GRID2: variants seen among roughly 807,000 people sequenced by gnomAD.
GRID2 encodes glutamate receptor ionotropic, delta-2.
In GRID2, 33 loss-of-function variants were observed where a neutral mutation model predicts 114.8. The ratio of observed to expected loss-of-function variants is 0.29; its 90% CI spans 0.22 to 0.38. The LOEUF (loss-of-function observed/expected upper bound fraction) is 0.38. Ranked by LOEUF, GRID2 falls within the 10% of genes least tolerant of loss-of-function variation. The probability of loss-of-function intolerance (pLI) is 1.00; values close to 1 mark genes in which losing one functional copy is unlikely to be tolerated. For missense variants in GRID2, 1,184 were observed against 1,257.7 expected (o/e 0.94, Z 0.89); for synonymous variants, 505 against 449.9 (o/e 1.12, Z -1.55).
At chr4:92,982,165 T>C (rs1754263041) in intron 2 of GRID2, among the ~76,000 whole-genome samples, 2 of 151,636 alleles carry the variant, frequency 1.3e-5, no homozygotes, top group African/African-American at 2.4e-5. Context: ...AACTGTGAAA[T>C]GGTCAAAATG....
intron 1 of GRID2, among the ~76,000 whole-genome samples, chr4:92,513,674 T>C (rs549602627): frequency 1.3e-5 from 2 of 151,976 alleles, no homozygotes; most frequent in Admixed American, 6.6e-5. Context: ...TACAAAACTG[T>C]CAGCACCATA....
intron 4 of GRID2, 139 bp downstream of exon 4, chr4:93,111,092 A>G (rs1732722094): frequency 1.6e-5 from 10 of 627,682 alleles, no homozygotes; most frequent in South Asian, 3.8e-5. Context: ...TGGAGGTAGC[A>G]TAGTGAATGC....
rs761070179 is a variant in GRID2, at chr4:92,590,256, G to A, written c.214G>A (p.Gly72Ser). The change falls in exon 2 of 16, where the codon GGC (glycine) becomes AGC (serine). Residue 72 changes from glycine to serine, a missense_variant. By Grantham distance (56) the Gly-to-Ser change is moderately conservative. This residue lies in a region of GRID2 where 455 missense variants were observed against 429.5 expected (regional missense o/e 1.06). Coordinates refer to ENST00000282020, the MANE Select transcript of GRID2 (RefSeq NM_001510.4). ...CACATTTTCAGTGACGTTTGTTGAT[G>A]GCAACAACCCTTTCCAAGCAGTTCA... is the stretch of plus-strand genomic sequence containing the variant. ...KITFSVTFVD[G>S]NNPFQAVQEA... is the part of the protein sequence containing the mutation. 3 of 1,613,226 alleles carry A rather than the reference G, an allele frequency of 1.9e-6. No individual in the cohort carries two copies. Among genetic ancestry groups the A allele is most frequent in the African/African-American group, 2.7e-5 (2 of 74,874 alleles).
chr4:92,931,477 T>G (rs1750230731), intron 2 of GRID2, among the ~76,000 whole-genome samples: 1 of 150,904 alleles, frequency 6.6e-6, no homozygotes, highest in Non-Finnish European at 1.5e-5. Context: ...CTTATGGTAG[T>G]GTAATTTAGC....
chr4:93,096,834 A>G (rs1731269109), intron 3 of GRID2, among the ~76,000 whole-genome samples: 1 of 151,974 alleles, frequency 6.6e-6, no homozygotes, highest in African/African-American at 2.4e-5. Context: ...ATGAGAATGT[A>G]TAGCCACACG....
chr4:93,042,671 C>A (rs111841027), intron 2 of GRID2, among the ~76,000 whole-genome samples: 14,825 of 140,722 alleles, frequency 0.11, 1,102 homozygotes, highest in East Asian at 0.24. Context: ...ATCTCTCTCT[C>A]TATATATCTA....
intron 1 of GRID2, among the ~76,000 whole-genome samples, chr4:92,498,426 A>G (rs1236876938): frequency 6.6e-6 from 1 of 151,988 alleles, no homozygotes; most frequent in Non-Finnish European, 1.5e-5. Flanking sequence ...ATATCTGTCA[A>G]TTAAAGGCAT....
At chr4:92,670,656 T>G (rs1733014157) in intron 2 of GRID2, among the ~76,000 whole-genome samples, 1 of 152,128 alleles carries the variant, frequency 6.6e-6, no homozygotes, top group African/African-American at 2.4e-5. Flanking sequence ...TTAAAACTAC[T>G]AATTTAATAT....
intron 8 of GRID2, among the ~76,000 whole-genome samples, chr4:93,356,379 C>T (rs1761338061): frequency 6.6e-6 from 1 of 151,572 alleles, no homozygotes; most frequent in Admixed American, 6.6e-5. Flanking sequence ...TAGCTTAGTT[C>T]TTTTATGATT....
chr4:92,310,048 A>G (rs556675717), intron 1 of GRID2, among the ~76,000 whole-genome samples: 1 of 152,144 alleles, frequency 6.6e-6, no homozygotes, highest in African/African-American at 2.4e-5. Flanking sequence ...AATGTCAACC[A>G]TTGAGTTTTA....
intron 2 of GRID2, among the ~76,000 whole-genome samples, chr4:92,751,509 A>G (rs1737453670): frequency 6.6e-6 from 1 of 152,226 alleles, no homozygotes; most frequent in South Asian, 2.1e-4. Context: ...TTCCAAGTTG[A>G]GTAACTGCAA....
At chr4:93,794,970 AT>A (rs1734768055) in intron 1 of GRID2, among the ~76,000 whole-genome samples, 1 of 152,146 alleles carries the variant, frequency 6.6e-6, no homozygotes, top group Non-Finnish European at 1.5e-5. Context: ...CTGTAACCTT[AT>A]TTACTTTAGA....
intron 13 of GRID2, among the ~76,000 whole-genome samples, chr4:93,564,468 A>G (rs1735221923): frequency 6.6e-6 from 1 of 152,012 alleles, no homozygotes; most frequent in Admixed American, 6.6e-5. Flanking sequence ...GTCAACTTAG[A>G]TATTTGTCAA....
intron 12 of GRID2, among the ~76,000 whole-genome samples, chr4:93,498,537 T>A (rs974269221): frequency 6.6e-6 from 1 of 151,902 alleles, no homozygotes; most frequent in African/African-American, 2.4e-5. Context: ...AATACAATTG[T>A]TTTTTGTCTG....
intron 14 of GRID2, among the ~76,000 whole-genome samples, chr4:93,681,519 A>G (rs373064496): frequency 6.6e-6 from 1 of 151,906 alleles, no homozygotes; most frequent in African/African-American, 2.4e-5. Flanking sequence ...ATGCTACCTG[A>G]CTTCAAACTA....
intron 10 of GRID2, among the ~76,000 whole-genome samples, chr4:93,448,450 TCAAACACTACACCC>T (rs1722301256): frequency 1.3e-5 from 2 of 151,830 alleles, no homozygotes; most frequent in South Asian, 4.2e-4. Context: ...GGGATATGGA[TCAAACACTACACCC>T]TCATAATATG....
At position 92,533,201 on chromosome 4, in the gene GRID2, G is replaced by GT. The variant is rs1471978543; in HGVS notation, c.89-56920dup. 1.5e-3 allele frequency among the ~76,000 whole-genome samples: 164 copies of GT among 112,094 alleles called. 1 individual carries two copies. Among genetic ancestry groups the GT allele is most frequent in the South Asian group, 5.2e-3 (17 of 3,268 alleles). The allele number at this position is 112,094 out of a possible 152,430, so 73.5% of individuals were successfully genotyped here. On this transcript the variant is annotated intron_variant, in intron 1 of 15. Coordinates refer to ENST00000282020, the MANE Select transcript of GRID2 (RefSeq NM_001510.4). The stretch of plus-strand genomic sequence containing the variant: ...TTTGGTGTGTTTTTTTGTTTTTTTT[G>GT]TTTTTTTTTTGAGAAACTTTCACAA...
At chr4:92,425,430 C>T (rs1373661227) in intron 1 of GRID2, among the ~76,000 whole-genome samples, 5 of 152,046 alleles carry the variant, frequency 3.3e-5, no homozygotes, top group African/African-American at 1.2e-4. Flanking sequence ...CGACTGATCA[C>T]CACAAAGTGA....
rs1182923583 is a variant in GRID2 at position 92,437,310 on chromosome 4, C to T, written c.88+132566C>T. Among the ~76,000 whole-genome samples, 7 of 152,270 alleles carry T rather than the reference C, an allele frequency of 4.6e-5. No homozygotes were observed. In the East Asian group the frequency reaches 7.7e-4, roughly 17 times the overall value. ...TAGTTTTTGTTTTGAGACAGATTCT[C>T]GCCCTGTAGCCCAGCCTGGAGTGCA... On this transcript the variant is annotated intron_variant, in intron 1 of 15. Transcript: ENST00000282020.
Sources: allele counts gnomAD v4.1 joint callset (sites outside exome capture counted in the v4.1 genomes callset), GRCh38; gene constraint gnomAD v4.1.1; regional missense constraint gnomAD v4.1.1; transcripts MANE v1.5; gene names NCBI Gene and HGNC (gene_info 2026-07-23, HGNC 2026-07-21).